KPNA3: variants seen among roughly 807,000 people sequenced by gnomAD.
The protein encoded by KPNA3 is karyopherin subunit alpha 3, also known as importin subunit alpha-4.
KPNA3 carries 13 observed loss-of-function variants against 73.8 expected under a neutral mutation model. That is an observed-to-expected ratio of 0.18 (90% CI 0.11 to 0.28). The LOEUF (loss-of-function observed/expected upper bound fraction) is 0.28. Among genes scored for constraint, KPNA3 ranks in the 10% least tolerant of loss-of-function variants. The pLI, the probability that KPNA3 is intolerant of heterozygous loss-of-function variation, is 1.00. For synonymous variants in KPNA3, 186 were observed against 206.9 expected, an observed-to-expected ratio of 0.90 and a Z score of 0.87; for missense variants, 360 against 618.1, an observed-to-expected ratio of 0.58 and a Z score of 4.43.
At chr13:49,778,780 A>C (rs960478780) in intron 1 of KPNA3, among the ~76,000 whole-genome samples, 1 of 151,970 alleles carries the variant, frequency 6.6e-6, no homozygotes, top group Non-Finnish European at 1.5e-5. Context: ...CCTACTTTTT[A>C]AATTTTGTGT....
chr13:49,709,398 C>T (rs117626782), intron 12 of KPNA3, among the ~76,000 whole-genome samples, 174 bp downstream of exon 12: 1 of 97,656 alleles, frequency 1.0e-5, no homozygotes, highest in African/African-American at 4.1e-5. Flanking sequence ...GACTCTGTCT[C>T]AAAAAAAAAA....
chr13:49,753,529 G>A (rs9562920), intron 1 of KPNA3, among the ~76,000 whole-genome samples: 13,904 of 152,264 alleles, frequency 0.091, 686 homozygotes, highest in South Asian at 0.12. Context: ...AAAGGTGACC[G>A]TGAGCAATGA....
intron 1 of KPNA3, among the ~76,000 whole-genome samples, chr13:49,761,818 C>T (rs1399744898): frequency 5.3e-5 from 8 of 151,658 alleles, no homozygotes; most frequent in Admixed American, 3.9e-4. Flanking sequence ...GGCCGCCCAT[C>T]GTCTGAGATG....
chr13:49,708,550 G>A lies in KPNA3; in HGVS notation c.1032+1022C>T, dbSNP rs994597446. On this transcript the variant is annotated intron_variant, in intron 12 of 16. Coordinates refer to ENST00000261667, the MANE Select transcript of KPNA3 (RefSeq NM_002267.4). ...TATATATCCAAAGAAATTGAAAGCG[G>A]GAACTCAAATAGGTATTTGTATGCC... Among the ~76,000 whole-genome samples, 6 of 152,130 alleles carry A rather than the reference G, an allele frequency of 3.9e-5. No individual in the cohort carries two copies. The South Asian group carries it at 1.2e-3, about 32-fold the overall frequency.
chr13:49,721,263 T>C (rs1954354434), intron 9 of KPNA3, among the ~76,000 whole-genome samples: 1 of 152,096 alleles, frequency 6.6e-6, no homozygotes, highest in South Asian at 2.1e-4. Context: ...TAAAGCAAAC[T>C]CATTCAAGAA....
At chr13:49,747,233 T>G (rs1254295718) in intron 1 of KPNA3, among the ~76,000 whole-genome samples, 2 of 151,796 alleles carry the variant, frequency 1.3e-5, no homozygotes, top group Non-Finnish European at 2.9e-5. Context: ...TAATCTCAGC[T>G]ACATGGGAGA....
chr13:49,756,520 G>C (rs1435270627), intron 1 of KPNA3, among the ~76,000 whole-genome samples: 1 of 152,166 alleles, frequency 6.6e-6, no homozygotes, highest in Non-Finnish European at 1.5e-5. Context: ...TTACACCACT[G>C]CACTCCAGCC....
intron 1 of KPNA3, among the ~76,000 whole-genome samples, chr13:49,784,750 T>C (rs1954968165): frequency 6.6e-6 from 1 of 152,196 alleles, no homozygotes; most frequent in South Asian, 2.1e-4. Context: ...GGAAAAATTA[T>C]TGTGTCTGCG....
rs1470533058 is a variant in KPNA3, at chr13:49,701,712, G to A, written c.*88C>T. Reference sequence around the variant, plus strand: ...AACAAAGAGGCATGTGTGTTTTGGAGCCTTTTGTTGCTGTTGTTCTTATCA... The same window carrying A: ...AACAAAGAGGCATGTGTGTTTTGGAACCTTTTGTTGCTGTTGTTCTTATCA... On this transcript the variant is annotated 3_prime_UTR_variant, in exon 17 of 17. Transcript: ENST00000261667. 1.2e-6 allele frequency: 1 copy of A among 848,470 alleles called. No individual in the cohort carries two copies. The highest frequency in any genetic ancestry group is 2.1e-6 in the Non-Finnish European group (1 of 486,244). 52.6% of individuals were successfully genotyped at this position (848,470 alleles called of 1,614,324 possible). A position where few individuals can be genotyped will look rare whatever the true frequency, so the allele number is the denominator to read the frequency against.
chr13:49,782,753 C>A (rs1330841034), intron 1 of KPNA3, among the ~76,000 whole-genome samples: 1 of 151,824 alleles, frequency 6.6e-6, no homozygotes, highest in African/African-American at 2.4e-5. Flanking sequence ...GTGGCGTGCA[C>A]CTGTCCAGCT....
intron 2 of KPNA3, among the ~76,000 whole-genome samples, chr13:49,736,801 T>G (rs752520416): frequency 1.3e-5 from 2 of 152,146 alleles, no homozygotes; most frequent in Non-Finnish European, 2.9e-5. Flanking sequence ...CAAGATGCAT[T>G]CCTCCTTTTA....
At position 49,701,748 on chromosome 13, in the gene KPNA3, A is replaced by G; in HGVS notation, c.*52T>C. ...CTGTTGTTCTTATCATTTGGTAGCC[A>G]TCTGGTGGTGCTTCATATTGAATGT... is the stretch of plus-strand genomic sequence containing the variant. On this transcript the variant is annotated 3_prime_UTR_variant, in exon 17 of 17. Transcript: ENST00000261667. 9.3e-7 allele frequency: 1 copy of G among 1,075,244 alleles called. No homozygotes were observed. The highest frequency in any genetic ancestry group is 1.7e-5 in the Admixed American group (1 of 59,080). The allele number at this position is 1,075,244 out of a possible 1,614,324, so 66.6% of individuals were successfully genotyped here. A position where few individuals can be genotyped will look rare whatever the true frequency, so the allele number is the denominator to read the frequency against.
Position 49,786,159 on chromosome 13 carries a change from A to T in KPNA3, c.69+6279T>A, listed in dbSNP as rs76568767. ...CTAGGCAACAGTATCAATGCCATGG[A>T]GTCAACACCAAAAGAAAATTAATGT... On this transcript the variant is annotated intron_variant, in intron 1 of 16. Transcript: ENST00000261667. Among the ~76,000 whole-genome samples, 1,319 of 152,332 alleles carry T rather than the reference A, an allele frequency of 8.7e-3. 7 individuals are homozygous for T. Among genetic ancestry groups the T allele is most frequent in the Middle Eastern group, 0.027 (8 of 294 alleles).
intron 2 of KPNA3, among the ~76,000 whole-genome samples, chr13:49,734,936 T>C (rs2025265): frequency 6.9e-6 from 1 of 144,916 alleles, no homozygotes; most frequent in Admixed American, 6.8e-5. Context: ...TATATATATA[T>C]ATAGAGAGAG....
At chr13:49,745,729 C>T (rs1413560642) in intron 2 of KPNA3, among the ~76,000 whole-genome samples, 2 of 152,084 alleles carry the variant, frequency 1.3e-5, no homozygotes, top group African/African-American at 4.8e-5. Context: ...CTAAGACAAA[C>T]ACCAAAGATC....
At chr13:49,785,902 C>T (rs1566363573) in intron 1 of KPNA3, among the ~76,000 whole-genome samples, 1 of 152,150 alleles carries the variant, frequency 6.6e-6, no homozygotes, top group African/African-American at 2.4e-5. Context: ...AGCCAAGAGG[C>T]AGAACATGGG....
chr13:49,792,413 G>A (rs369465748), intron 1 of KPNA3, 25 bp downstream of exon 1: 7 of 1,546,792 alleles, frequency 4.5e-6, no homozygotes, highest in Admixed American at 1.9e-5. Context: ...GGCCAGGCGG[G>A]CCCAGACCGC....
chr13:49,721,595 A>G (rs572843801), intron 9 of KPNA3, among the ~76,000 whole-genome samples: 141 of 152,220 alleles, frequency 9.3e-4, no homozygotes, highest in African/African-American at 3.3e-3. Context: ...CGAGGCGGGC[A>G]GATCACGAGG....
intron 1 of KPNA3, among the ~76,000 whole-genome samples, chr13:49,783,823 GTTCT>G (rs1267591518): frequency 6.6e-6 from 1 of 152,026 alleles, no homozygotes; most frequent in Non-Finnish European, 1.5e-5. Context: ...TAAACTATTT[GTTCT>G]TTATCACCTG....
Sources: allele counts gnomAD v4.1 joint callset (sites outside exome capture counted in the v4.1 genomes callset), GRCh38; gene constraint gnomAD v4.1.1; transcripts MANE v1.5; gene names NCBI Gene and HGNC (gene_info 2026-07-23, HGNC 2026-07-21).